MPHOSPH9: variants seen among roughly 807,000 people sequenced by gnomAD.
The protein encoded by MPHOSPH9 is M-phase phosphoprotein 9.
MPHOSPH9 carries 88 observed loss-of-function variants against 145.5 expected under a neutral mutation model. The ratio of observed to expected loss-of-function variants is 0.60; its 90% CI spans 0.51 to 0.72. The LOEUF (loss-of-function observed/expected upper bound fraction) is 0.72, where lower values mean the gene tolerates loss of function less well. Ranked by LOEUF, MPHOSPH9 falls within the 30% of genes least tolerant of loss-of-function variation. The probability of loss-of-function intolerance (pLI) is 0.00; values close to 1 mark genes in which losing one functional copy is unlikely to be tolerated. For synonymous variants in MPHOSPH9, 435 were observed against 486.2 expected, an observed-to-expected ratio of 0.89 and a Z score of 1.39; for missense variants, 1,238 against 1,386.6, an observed-to-expected ratio of 0.89 and a Z score of 1.70.
intron 8 of MPHOSPH9, among the ~76,000 whole-genome samples, chr12:123,207,937 C>T (rs1379225000): frequency 6.6e-6 from 1 of 151,204 alleles, no homozygotes; most frequent in Non-Finnish European, 1.5e-5. Flanking sequence ...TATTTCTTTG[C>T]TCTTAAATTT....
chr12:123,195,170 A>C (rs1462308753), intron 12 of MPHOSPH9, among the ~76,000 whole-genome samples: 5 of 152,150 alleles, frequency 3.3e-5, no homozygotes, highest in African/African-American at 1.2e-4. Context: ...AGTTCACTTT[A>C]ATAAGGAAAA....
Position 123,198,274 on chromosome 12 carries a change from A to C in MPHOSPH9, c.1998T>G (p.Asn666Lys), listed in dbSNP as rs1413733508. ...CTTCAATTTCCAGTAAGTTATTCTT[A>C]TTTTCAAGTGTTCTCACGCGACTAG... ...EATSRVRTLENKNNLLEIEVN... is the reference protein window; with the variant it reads ...EATSRVRTLEKKNNLLEIEVN... The change falls in exon 12 of 24, where the codon AAT (asparagine) becomes AAG (lysine). Residue 666 changes from asparagine to lysine, a missense_variant. Asn to Lys is a moderately conservative substitution (Grantham distance 94). This residue lies in a region of MPHOSPH9 where 837 missense variants were observed against 897.5 expected (regional missense o/e 0.93). Transcript: ENST00000606320. 2.5e-6 allele frequency: 4 copies of C among 1,611,440 alleles called. No homozygotes were observed. The highest frequency in any genetic ancestry group is 3.4e-6 in the Non-Finnish European group (4 of 1,178,634).
chr12:123,158,434 C>G (rs949478187), intron 23 of MPHOSPH9, among the ~76,000 whole-genome samples: 7 of 152,146 alleles, frequency 4.6e-5, no homozygotes, highest in Admixed American at 2.6e-4. Flanking sequence ...AAGGCCCTGC[C>G]TCTACAAAAA....
At chr12:123,199,342 CAA>C (rs2138317981) in intron 11 of MPHOSPH9, among the ~76,000 whole-genome samples, 1 of 152,208 alleles carries the variant, frequency 6.6e-6, no homozygotes, top group African/African-American at 2.4e-5. Context: ...CTCAAAATAA[CAA>C]AATACATAGA....
At chr12:123,183,312 C>T (rs898750073) in intron 13 of MPHOSPH9, among the ~76,000 whole-genome samples, 2 of 151,740 alleles carry the variant, frequency 1.3e-5, no homozygotes, top group Non-Finnish European at 2.9e-5. Flanking sequence ...CTTTGGGAGG[C>T]CGAGGCAGGT....
At position 123,194,507 on chromosome 12, in the gene MPHOSPH9, T is replaced by C; in HGVS notation, c.2120A>G (p.Asp707Gly). ...EEMRTSSKEK[D>G]NTIIRLKSRL... is the part of the protein sequence containing the mutation. ...AGATTTTAGTCGAATGATGGTATTG[T>C]CTTTTTCTTTACTGCTTGTTCTCAT... Residue 707 changes from aspartate (D) to glycine (G), a missense_variant, in exon 13 of 24, where the codon GAC becomes GGC. Transcript: ENST00000606320. The C allele has an allele frequency of 6.2e-7, 1 of 1,613,138 alleles. No individual in the cohort carries two copies.
chr12:123,187,425 CAA>C (rs61112065), intron 13 of MPHOSPH9, among the ~76,000 whole-genome samples: 3,101 of 152,170 alleles, frequency 0.02, 39 homozygotes, highest in Non-Finnish European at 0.032. Context: ...TGGGAAGAAT[CAA>C]TATTTCAAGT....
chr12:123,179,191 G>C (rs2045010816), intron 15 of MPHOSPH9, among the ~76,000 whole-genome samples: 1 of 152,136 alleles, frequency 6.6e-6, no homozygotes, highest in South Asian at 2.1e-4. Context: ...ACTTTTTGTG[G>C]ATGAGACGAG....
chr12:123,216,779 C>G (rs1363883801), intron 6 of MPHOSPH9, among the ~76,000 whole-genome samples: 1 of 152,032 alleles, frequency 6.6e-6, no homozygotes, highest in Non-Finnish European at 1.5e-5. Context: ...GGTTGGATCA[C>G]TTGAGGTCTG....
upstream of MPHOSPH9, among the ~76,000 whole-genome samples, chr12:123,236,850 G>A (rs1415624454): frequency 3.3e-5 from 5 of 151,946 alleles, no homozygotes; most frequent in African/African-American, 9.7e-5. Context: ...TTGAGAGGCC[G>A]AGGCGGGCGG....
At chr12:123,168,811 T>A (rs1208303304) in intron 16 of MPHOSPH9, among the ~76,000 whole-genome samples, 2 of 151,708 alleles carry the variant, frequency 1.3e-5, no homozygotes, top group Non-Finnish European at 2.9e-5. Flanking sequence ...TTTCTCTCTG[T>A]CCCCTTTCAC....
In MPHOSPH9 at chr12:123,180,340, G is replaced by C. The variant is rs536476220; in HGVS notation, c.2290-350C>G. ...TTTAGATATCATGGGATCTGCTCCC[G>C]AACCCTCAGAATGCTTTGGCAGCCA... On this transcript the variant is annotated intron_variant, in intron 14 of 23. Coordinates refer to ENST00000606320, the MANE Select transcript of MPHOSPH9 (RefSeq NM_022782.4). Among the ~76,000 whole-genome samples the C allele has an allele frequency of 3.2e-4, 49 of 152,120 alleles. 1 individual carries two copies. The highest frequency in any genetic ancestry group is 1.4e-3 in the Admixed American group (22 of 15,252).
intron 7 of MPHOSPH9, among the ~76,000 whole-genome samples, chr12:123,211,602 C>G (rs182356514): frequency 6.6e-6 from 1 of 150,658 alleles, no homozygotes; most frequent in Non-Finnish European, 1.5e-5. Context: ...GCAATCCACC[C>G]TCCTCGGCCT....
rs956534393 is a variant in MPHOSPH9, at chr12:123,211,709, T to C, written c.1088-1547A>G. ...CTTTTTTTTTTTTTTTTTTTTTTTT[T>C]CTGAGACAGGGCCTCCATCTGTCAC... On this transcript the variant is annotated intron_variant, in intron 7 of 23. Transcript: ENST00000606320. Among the ~76,000 whole-genome samples the C allele has an allele frequency of 2.3e-3, 232 of 98,952 alleles. No individual in the cohort carries two copies. The East Asian group carries it at 0.077, about 33-fold the overall frequency. The allele number at this position is 98,952 out of a possible 152,430, so 64.9% of individuals were successfully genotyped here.
intron 13 of MPHOSPH9, among the ~76,000 whole-genome samples, chr12:123,182,254 T>A (rs1775912557): frequency 1.4e-5 from 1 of 70,218 alleles, no homozygotes; most frequent in African/African-American, 3.1e-5. Context: ...TTTGTGTTTT[T>A]TTTTTTGTTT....
At chr12:123,174,558 G>A (rs55906261) in intron 16 of MPHOSPH9, among the ~76,000 whole-genome samples, 1 of 151,828 alleles carries the variant, frequency 6.6e-6, no homozygotes, top group Non-Finnish European at 1.5e-5. Flanking sequence ...ATTTTTAGTA[G>A]AGATGGGGTT....
Position 123,197,045 on chromosome 12 carries a change from T to G in MPHOSPH9, c.2025+1202A>C, listed in dbSNP as rs932211498. ...AAGGGGTGTGGGTTTTTTTTTTTTT[T>G]TTTTTTTTTTTTTTGAGGAAAATGT... On this transcript the variant is annotated intron_variant, in intron 12 of 23. Coordinates refer to ENST00000606320, the MANE Select transcript of MPHOSPH9 (RefSeq NM_022782.4). Among the ~76,000 whole-genome samples, 13 of 147,336 alleles carry G rather than the reference T, an allele frequency of 8.8e-5. 1 individual carries two copies. The highest frequency in any genetic ancestry group is 2.2e-4 in the South Asian group (1 of 4,618).
chr12:123,217,204 C>A (rs1190406767), intron 6 of MPHOSPH9, among the ~76,000 whole-genome samples: 1 of 151,698 alleles, frequency 6.6e-6, no homozygotes, highest in Non-Finnish European at 1.5e-5. Context: ...CAAATTTCAA[C>A]CTTTTTTTTT....
intron 8 of MPHOSPH9, among the ~76,000 whole-genome samples, chr12:123,207,854 A>G (rs1233370164): frequency 2.6e-5 from 2 of 78,332 alleles, no homozygotes; most frequent in South Asian, 4.5e-4. Context: ...CTCCGCCTCA[A>G]AGAAAAAAAA....
Sources: allele counts gnomAD v4.1 joint callset (sites outside exome capture counted in the v4.1 genomes callset), GRCh38; gene constraint gnomAD v4.1.1; regional missense constraint gnomAD v4.1.1; transcripts MANE v1.5; gene names NCBI Gene and HGNC (gene_info 2026-07-23, HGNC 2026-07-21).